PCDHA6: variants seen among roughly 807,000 people sequenced by gnomAD.
The protein encoded by PCDHA6 is protocadherin alpha-6.
In PCDHA6, 55 loss-of-function variants were observed where a neutral mutation model predicts 60.3. That is an observed-to-expected ratio of 0.91 (90% confidence interval 0.73 to 1.14). PCDHA6 has a LOEUF of 1.14. Among genes scored for constraint, PCDHA6 ranks in the 50% most tolerant of loss-of-function variants. The probability of loss-of-function intolerance (pLI) is 0.00; values close to 1 mark genes in which losing one functional copy is unlikely to be tolerated. For synonymous variants in PCDHA6, 652 were observed against 557.9 expected, an observed-to-expected ratio of 1.17 and a Z score of -2.38; for missense variants, 1,327 against 1,256.5, an observed-to-expected ratio of 1.06 and a Z score of -0.85.
intron 1 of PCDHA6, among the ~76,000 whole-genome samples, chr5:140,946,992 A>G (rs1393633852): frequency 6.6e-6 from 1 of 151,790 alleles, no homozygotes; most frequent in Non-Finnish European, 1.5e-5. Context: ...TGAGTGTTCT[A>G]ACTTCAAAGA....
chr5:140,834,252 ACG>A, intron 1 of PCDHA6: 2 of 916,406 alleles, frequency 2.2e-6, no homozygotes, highest in Non-Finnish European at 3.3e-6. Context: ...CACTGGAAAG[ACG>A]CTCCACTCTC....
rs1316555766 is a variant in PCDHA6, at chr5:141,011,101, T to C, written c.*1164T>C. 1.3e-5 allele frequency: 2 copies of C among 153,710 alleles called. No homozygotes were observed. The highest frequency in any genetic ancestry group is 2.9e-5 in the Non-Finnish European group (2 of 68,016). The allele number at this position is 153,710 out of a possible 1,614,324, so 9.5% of individuals were successfully genotyped here. A position where few individuals can be genotyped will look rare whatever the true frequency, so the allele number is the denominator to read the frequency against. On this transcript the variant is annotated 3_prime_UTR_variant, in exon 4 of 4. Coordinates refer to ENST00000529310, the MANE Select transcript of PCDHA6 (RefSeq NM_018909.4). ...AATGATCTCTCTTTCTCTCTCTCTC[T>C]CTCTTTTCTAAGAAACAATTATGTG...
chr5:140,854,522 C>T (rs1554147313), intron 1 of PCDHA6: 1 of 149,908 alleles, frequency 6.7e-6, no homozygotes. Flanking sequence ...GATTAAGTGA[C>T]ACCCATTTCT....
chr5:140,862,949 C>G lies in PCDHA6; in HGVS notation c.2394+32464C>G, dbSNP rs541015740. The G allele has an allele frequency of 9.9e-5, 54 of 542,878 alleles. 1 individual carries two copies. The highest frequency in any genetic ancestry group is 8.3e-4 in the African/African-American group (44 of 52,750). 33.6% of individuals were successfully genotyped at this position (542,878 alleles called of 1,614,324 possible). A position where few individuals can be genotyped will look rare whatever the true frequency, so the allele number is the denominator to read the frequency against. ...TGGCGGCGCTGTGAGTGAGCTGGTG[C>G]GGTATTCAGTGGATGCAGGCCACTT... On this transcript the variant is annotated intron_variant, in intron 1 of 3. Coordinates refer to ENST00000529310, the MANE Select transcript of PCDHA6 (RefSeq NM_018909.4).
chr5:140,837,954 C>T (rs1258074130), intron 1 of PCDHA6, among the ~76,000 whole-genome samples: 1 of 151,820 alleles, frequency 6.6e-6, no homozygotes, highest in Non-Finnish European at 1.5e-5. Context: ...ATTGGGATTA[C>T]AGACACGAAC....
At chr5:140,986,461 C>A (rs1554248079) in intron 3 of PCDHA6, among the ~76,000 whole-genome samples, 1 of 152,154 alleles carries the variant, frequency 6.6e-6, no homozygotes. Flanking sequence ...TTAATGAATG[C>A]CCTCTTGTGA....
chr5:140,893,656 T>C (rs950016091), intron 1 of PCDHA6, among the ~76,000 whole-genome samples: 1 of 152,222 alleles, frequency 6.6e-6, no homozygotes. Flanking sequence ...CTGATAGTTT[T>C]AAAAAATTTC....
intron 1 of PCDHA6, among the ~76,000 whole-genome samples, chr5:140,907,353 A>C (rs1312030991): frequency 3.3e-5 from 5 of 152,234 alleles, no homozygotes; most frequent in Non-Finnish European, 7.3e-5. Flanking sequence ...CCGCTGCTGC[A>C]CTTCTTTAGT....
rs1488505557 is a variant in PCDHA6 at position 140,967,448 on chromosome 5, A to G, written c.2395-11501A>G. The G allele has an allele frequency of 6.8e-6, 11 of 1,613,462 alleles. No individual in the cohort carries two copies. Among genetic ancestry groups the G allele is most frequent in the Non-Finnish European group, 9.3e-6 (11 of 1,179,888 alleles). On this transcript the variant is annotated intron_variant, in intron 1 of 3. Transcript: ENST00000529310. ...GGCAGCCTTGCACCACCTGGTTCTC[A>G]CAGCCGTGGATGGGGGCATCCCAGC...
At chr5:140,883,040 G>A (rs994931084) in intron 1 of PCDHA6, 1 of 1,614,062 alleles carries the variant, frequency 6.2e-7, no homozygotes, top group Non-Finnish European at 8.5e-7. Flanking sequence ...CGCCTTCAAT[G>A]GAACATTAGT....
chr5:140,899,230 G>A (rs1487839667), intron 1 of PCDHA6, among the ~76,000 whole-genome samples: 4 of 152,058 alleles, frequency 2.6e-5, no homozygotes, highest in Admixed American at 6.5e-5. Flanking sequence ...ACACTATGTT[G>A]AATAGGAGTG....
chr5:141,005,535 C>T (rs1254351919), intron 3 of PCDHA6, among the ~76,000 whole-genome samples: 2 of 151,078 alleles, frequency 1.3e-5, no homozygotes, highest in Non-Finnish European at 2.9e-5. Flanking sequence ...AACCCCGTCT[C>T]TACTAAAAAT....
At chr5:140,838,813 T>A (rs1372139803) in intron 1 of PCDHA6, among the ~76,000 whole-genome samples, 1 of 151,884 alleles carries the variant, frequency 6.6e-6, no homozygotes, top group Non-Finnish European at 1.5e-5. Flanking sequence ...TTTCAGCTAC[T>A]CAAGAAACTG....
intron 1 of PCDHA6, among the ~76,000 whole-genome samples, chr5:140,936,053 C>T (rs576745037): frequency 1.2e-4 from 18 of 152,052 alleles, no homozygotes; most frequent in Middle Eastern, 3.4e-3. Flanking sequence ...CCACCACACC[C>T]GGCTAATTTT....
intron 1 of PCDHA6, among the ~76,000 whole-genome samples, chr5:140,899,251 G>T (rs1322090098): frequency 2.6e-5 from 4 of 152,082 alleles, no homozygotes; most frequent in African/African-American, 9.7e-5. Flanking sequence ...GTGAGAGAGG[G>T]CATCCCTGTC....
At chr5:140,862,923 C>T in intron 1 of PCDHA6, 1 of 546,076 alleles carries the variant, frequency 1.8e-6, no homozygotes, top group South Asian at 1.4e-5. Flanking sequence ...CTTGGGTGGG[C>T]TGGCGGCGCT....
At chr5:140,834,176 G>A (rs1772828116) in intron 1 of PCDHA6, 1 of 555,612 alleles carries the variant, frequency 1.8e-6, no homozygotes, top group Admixed American at 3.3e-5. Context: ...TTACATGATG[G>A]CCACATGATG....
At chr5:140,856,401 T>C (rs782164641) in intron 1 of PCDHA6, 20 of 1,598,386 alleles carry the variant, frequency 1.3e-5, no homozygotes, top group Non-Finnish European at 4.3e-6. Context: ...GTTTTCCATG[T>C]GGACGTGGAA....
chr5:140,838,883 C>G (rs1775930205), intron 1 of PCDHA6, among the ~76,000 whole-genome samples: 1 of 151,746 alleles, frequency 6.6e-6, no homozygotes, highest in Non-Finnish European at 1.5e-5. Flanking sequence ...CCACTGAACT[C>G]CAGCCTAGGT....
Sources: allele counts gnomAD v4.1 joint callset (sites outside exome capture counted in the v4.1 genomes callset), GRCh38; gene constraint gnomAD v4.1.1; transcripts MANE v1.5; gene names NCBI Gene and HGNC (gene_info 2026-07-23, HGNC 2026-07-21).